Variants in FOXP1 observed in about 807,000 individuals in gnomAD.
The protein encoded by FOXP1 is forkhead box P1, also known as forkhead box protein P1.
A neutral mutation model predicts 98.2 loss-of-function variants in FOXP1; 15 were observed. The observed-to-expected ratio is 0.15, with a 90% CI of 0.10 to 0.24. FOXP1 has a LOEUF of 0.24. Among genes scored for constraint, FOXP1 ranks in the 10% least tolerant of loss-of-function variants. The pLI is 1.00. For synonymous variants in FOXP1, 371 were observed against 314.5 expected, an observed-to-expected ratio of 1.18 and a Z score of -1.90; for missense variants, 633 against 848.5, an observed-to-expected ratio of 0.75 and a Z score of 3.15.
chr3:71,465,012 G>T (rs1371750028), intron 3 of FOXP1, among the ~76,000 whole-genome samples: 1 of 152,092 alleles, frequency 6.6e-6, no homozygotes, highest in African/African-American at 2.4e-5. Context: ...GCACTTAGAA[G>T]ATGGCCAGGC....
chr3:71,126,466 G>A (rs1367082017), intron 6 of FOXP1, among the ~76,000 whole-genome samples: 2 of 152,018 alleles, frequency 1.3e-5, no homozygotes, highest in South Asian at 4.1e-4. Context: ...TCTAGCCTGG[G>A]CCACAGAGTG....
intron 3 of FOXP1, among the ~76,000 whole-genome samples, chr3:71,421,551 C>T (rs2083649061): frequency 6.6e-6 from 1 of 152,012 alleles, no homozygotes; most frequent in Non-Finnish European, 1.5e-5. Flanking sequence ...ATCTCCCCAG[C>T]GTAGGACAAT....
chr3:70,971,032 T>TGGCTTAGGTAGTAACA lies in FOXP1; in HGVS notation c.1653-243_1653-228dup. Reference sequence around the variant, plus strand: ...TTCAAGGAAACTAGGTGTAAAATTCTGGCTTAGGTAGTAACAGGCTTGGGT... The same window carrying TGGCTTAGGTAGTAACA: ...TTCAAGGAAACTAGGTGTAAAATTCTGGCTTAGGTAGTAACAGGCTTAGGTAGTAACAGGCTTGGGT... On this transcript the variant is annotated intron_variant, in intron 18 of 20. Coordinates refer to ENST00000649528, the MANE Select transcript of FOXP1 (RefSeq NM_001349338.3). 9.5e-6 allele frequency: 5 copies of TGGCTTAGGTAGTAACA among 524,988 alleles called. No individual in the cohort carries two copies. In the South Asian group the frequency reaches 1.0e-4, roughly 10 times the overall value. 32.5% of individuals were successfully genotyped at this position (524,988 alleles called of 1,614,324 possible). A position where few individuals can be genotyped will look rare whatever the true frequency, so the allele number is the denominator to read the frequency against.
intron 5 of FOXP1, among the ~76,000 whole-genome samples, chr3:71,224,896 TACA>T (rs1330467785): frequency 6.6e-6 from 1 of 152,252 alleles, no homozygotes; most frequent in Non-Finnish European, 1.5e-5. Flanking sequence ...AATACTCAGC[TACA>T]ACGGTACCCA....
chr3:71,188,430 T>C (rs1442359835), intron 6 of FOXP1, among the ~76,000 whole-genome samples: 1 of 151,798 alleles, frequency 6.6e-6, no homozygotes, highest in Non-Finnish European at 1.5e-5. Context: ...TTTTTTTTTT[T>C]TGAGATGGAC....
At chr3:71,507,762 A>G (rs1407840649) in intron 2 of FOXP1, among the ~76,000 whole-genome samples, 1 of 152,136 alleles carries the variant, frequency 6.6e-6, no homozygotes, top group African/African-American at 2.4e-5. Context: ...TATTTTTAGT[A>G]GAGATGGGGT....
intron 5 of FOXP1, among the ~76,000 whole-genome samples, chr3:71,251,840 G>GT (rs1235281234): frequency 6.6e-6 from 1 of 152,118 alleles, no homozygotes; most frequent in Non-Finnish European, 1.5e-5. Flanking sequence ...TAGACTTTAG[G>GT]TTAACCTCCA....
At chr3:71,308,157 G>A (rs1054589006) in intron 4 of FOXP1, among the ~76,000 whole-genome samples, 1 of 151,312 alleles carries the variant, frequency 6.6e-6, no homozygotes, top group Non-Finnish European at 1.5e-5. Flanking sequence ...GGGGAAAGAT[G>A]GGGGGGCGTA....
chr3:71,130,968 C>A (rs775299286), intron 6 of FOXP1: 35 of 1,171,064 alleles, frequency 3.0e-5, no homozygotes, highest in Non-Finnish European at 3.5e-5. Context: ...TTCACGCAGA[C>A]AAATACACAC....
intron 2 of FOXP1, among the ~76,000 whole-genome samples, chr3:71,568,483 C>T (rs2047088424): frequency 6.6e-6 from 1 of 152,114 alleles, no homozygotes; most frequent in Non-Finnish European, 1.5e-5. Flanking sequence ...GCCCCACATA[C>T]AGAAAAGCCC....
At chr3:71,216,832 C>T (rs1156855356) in intron 5 of FOXP1, among the ~76,000 whole-genome samples, 1 of 152,030 alleles carries the variant, frequency 6.6e-6, no homozygotes. Flanking sequence ...GTTAATTGTC[C>T]CTCCCCCACC....
At chr3:71,070,597 G>A (rs974905823) in intron 7 of FOXP1, among the ~76,000 whole-genome samples, 4 of 152,294 alleles carry the variant, frequency 2.6e-5, no homozygotes, top group African/African-American at 9.6e-5. Flanking sequence ...TGATTAGCTG[G>A]TAGGACTTAC....
intron 3 of FOXP1, among the ~76,000 whole-genome samples, chr3:71,492,441 A>T (rs1291408342): frequency 6.7e-6 from 1 of 149,204 alleles, no homozygotes; most frequent in Non-Finnish European, 1.5e-5. Context: ...CAATTGGGAA[A>T]CTCCGTCTCC....
chr3:71,033,135 A>C (rs2047096572), intron 11 of FOXP1, among the ~76,000 whole-genome samples: 1 of 152,188 alleles, frequency 6.6e-6, no homozygotes, highest in Non-Finnish European at 1.5e-5. Flanking sequence ...AATTGGGAGG[A>C]GGGGACACAG....
intron 3 of FOXP1, among the ~76,000 whole-genome samples, chr3:71,372,401 CTG>C (rs995160609): frequency 6.6e-5 from 10 of 152,270 alleles, no homozygotes; most frequent in Admixed American, 5.2e-4. Context: ...TTCCCAAGGT[CTG>C]TGCTTTCCAC....
intron 3 of FOXP1, among the ~76,000 whole-genome samples, chr3:71,365,800 C>T (rs929075575): frequency 5.3e-5 from 8 of 152,076 alleles, no homozygotes; most frequent in East Asian, 1.9e-4. Flanking sequence ...CTGGCCAACA[C>T]GGTGAAACCC....
intron 3 of FOXP1, among the ~76,000 whole-genome samples, chr3:71,457,962 A>G (rs2087664303): frequency 6.6e-6 from 1 of 152,208 alleles, no homozygotes; most frequent in Non-Finnish European, 1.5e-5. Flanking sequence ...AGTATTGGCT[A>G]CAACTCCAGC....
intron 5 of FOXP1, among the ~76,000 whole-genome samples, chr3:71,258,661 G>A (rs1244085726): frequency 1.3e-5 from 2 of 152,318 alleles, no homozygotes; most frequent in Non-Finnish European, 2.9e-5. Flanking sequence ...GACTTCAGAG[G>A]TCAAATAAAC....
At chr3:71,221,403 A>T (rs2108506014) in intron 5 of FOXP1, among the ~76,000 whole-genome samples, 1 of 152,234 alleles carries the variant, frequency 6.6e-6, no homozygotes, top group East Asian at 1.9e-4. Context: ...AAGAAGGAAG[A>T]GGTGGCTAAT....
Sources: gnomAD v4.1 joint callset for allele counts (sites outside exome capture counted in the v4.1 genomes callset) on GRCh38, gnomAD v4.1.1 for gene constraint, MANE v1.5 for transcripts, NCBI Gene and HGNC (gene_info 2026-07-23, HGNC 2026-07-21) for gene names.